CREB5: variants seen among roughly 807,000 people sequenced by gnomAD.
CREB5 encodes the protein cAMP responsive element binding protein 5.
Under a neutral mutation model 57.1 loss-of-function variants are expected in CREB5, and 19 were observed. That is an observed-to-expected ratio of 0.33 (90% confidence interval 0.23 to 0.49). CREB5 has a LOEUF of 0.49. Ranked by LOEUF, CREB5 falls within the 20% of genes least tolerant of loss-of-function variation. CREB5 has a pLI of 0.99. For synonymous variants in CREB5, 238 were observed against 238.3 expected (o/e 1.00, Z 0.01); for missense variants, 579 against 671.6 (o/e 0.86, Z 1.52).
intron 1 of CREB5, among the ~76,000 whole-genome samples, chr7:28,463,907 C>T (rs1036732041): frequency 6.6e-6 from 1 of 151,996 alleles, no homozygotes; most frequent in South Asian, 2.1e-4. Context: ...ATCTGGATAC[C>T]TTTTATTTCA....
chr7:28,697,107 ATACT>A (rs925916205), intron 5 of CREB5, among the ~76,000 whole-genome samples: 4 of 152,174 alleles, frequency 2.6e-5, no homozygotes, highest in African/African-American at 9.7e-5. Flanking sequence ...TTATGGAATA[ATACT>A]TAATTTTTAC....
At chr7:28,558,681 G>C (rs765554063) in intron 4 of CREB5, among the ~76,000 whole-genome samples, 1 of 152,144 alleles carries the variant, frequency 6.6e-6, no homozygotes, top group Non-Finnish European at 1.5e-5. Context: ...AGCTGAGAAA[G>C]GGGGGCTTGG....
At chr7:28,646,360 C>CA (rs1464861413) in intron 5 of CREB5, among the ~76,000 whole-genome samples, 1 of 151,912 alleles carries the variant, frequency 6.6e-6, no homozygotes, top group South Asian at 2.1e-4. Flanking sequence ...GGAAAAAAAA[C>CA]AAAAAACAAT....
rs551799037 is a variant in CREB5 at position 28,613,209 on chromosome 7, C to A, written c.464+42672C>A. ...ACTTTTGCTTGTTTTGGCCAAACAA[C>A]TAAAAATATATTTTTCCCCTTGAAA... On this transcript the variant is annotated intron_variant, in intron 5 of 10. Transcript: ENST00000357727. 4.6e-5 allele frequency among the ~76,000 whole-genome samples: 7 copies of A among 152,302 alleles called. No homozygotes were observed. The South Asian group carries it at 1.5e-3, about 32-fold the overall frequency.
chr7:28,401,972 C>T (rs1291796732), intron 1 of CREB5, among the ~76,000 whole-genome samples: 16 of 152,134 alleles, frequency 1.1e-4, no homozygotes, highest in African/African-American at 3.6e-4. Flanking sequence ...TTCTAGATCC[C>T]TGAGGAATCA....
intron 2 of CREB5, among the ~76,000 whole-genome samples, chr7:28,490,263 G>T (rs529598414): frequency 6.6e-6 from 1 of 152,210 alleles, no homozygotes; most frequent in Non-Finnish European, 1.5e-5. Flanking sequence ...CAGTTAATTA[G>T]TCAATTGCAA....
rs1798349811 is a variant in CREB5 at position 28,634,860 on chromosome 7, T to G, written c.464+64323T>G. 2.0e-5 allele frequency among the ~76,000 whole-genome samples: 3 copies of G among 152,230 alleles called. No individual in the cohort carries two copies. The South Asian group carries it at 6.2e-4, about 31-fold the overall frequency. On this transcript the variant is annotated intron_variant, in intron 5 of 10. Coordinates refer to ENST00000357727, the MANE Select transcript of CREB5 (RefSeq NM_182898.4). ...TTTTATGTTTTATACAGATTACTAT[T>G]GTCTTTTCAAGGAGACAGAAACAGC...
intron 1 of CREB5, among the ~76,000 whole-genome samples, chr7:28,485,434 G>A (rs1263499209): frequency 6.6e-6 from 1 of 151,896 alleles, no homozygotes; most frequent in Non-Finnish European, 1.5e-5. Context: ...AAATAAAATA[G>A]TACTTTATAT....
chr7:28,662,156 A>G (rs1799634727), intron 5 of CREB5, among the ~76,000 whole-genome samples: 2 of 152,188 alleles, frequency 1.3e-5, no homozygotes, highest in African/African-American at 2.4e-5. Flanking sequence ...ACAAAAAAGG[A>G]GCAGAAGAAA....
At chr7:28,392,100 C>A (rs1001129526) in intron 1 of CREB5, among the ~76,000 whole-genome samples, 1 of 152,046 alleles carries the variant, frequency 6.6e-6, no homozygotes, top group South Asian at 2.1e-4. Context: ...AAGAGGGGAA[C>A]AACACACGCT....
chr7:28,511,712 CT>C lies in CREB5; in HGVS notation c.291+3976del, dbSNP rs549802063. ...TGTTGCCCAGGCCGGTCTCAAACTC[CT>C]GGACTCAAGTGATCTGCCCGCCTCA... On this transcript the variant is annotated intron_variant, in intron 4 of 10. Transcript: ENST00000357727. 1.8e-3 allele frequency among the ~76,000 whole-genome samples: 280 copies of C among 152,292 alleles called. 2 individuals carry two copies. Among genetic ancestry groups the C allele is most frequent in the African/African-American group, 6.2e-3 (259 of 41,570 alleles).
rs1364997714 is a variant in CREB5 at position 28,821,199 on chromosome 7, G to A, written c.*1920G>A. ...AGAACAGTATTTTACAAAAGGTGTA[G>A]CTTTTATAAGAGTGCAGAAAAGGGA... is the stretch of plus-strand genomic sequence containing the variant. On this transcript the variant is annotated 3_prime_UTR_variant, in exon 11 of 11. Coordinates refer to ENST00000357727, the MANE Select transcript of CREB5 (RefSeq NM_182898.4). 1 of 151,092 alleles carries A rather than the reference G, an allele frequency of 6.6e-6. No individual in the cohort carries two copies. The highest frequency in any genetic ancestry group is 1.5e-5 in the Non-Finnish European group (1 of 67,820). 9.4% of individuals were successfully genotyped at this position (151,092 alleles called of 1,614,324 possible). A position where few individuals can be genotyped will look rare whatever the true frequency, so the allele number is the denominator to read the frequency against.
At chr7:28,792,892 G>T (rs955706120) in intron 7 of CREB5, among the ~76,000 whole-genome samples, 4 of 152,152 alleles carry the variant, frequency 2.6e-5, no homozygotes, top group African/African-American at 9.7e-5. Context: ...TGCTGTTTGG[G>T]TGGTCAGGTG....
intron 1 of CREB5, among the ~76,000 whole-genome samples, chr7:28,450,210 GATA>G (rs1282877003): frequency 1.3e-5 from 2 of 152,162 alleles, no homozygotes; most frequent in Non-Finnish European, 2.9e-5. Flanking sequence ...TGTTGTGACT[GATA>G]ATAATGATTC....
chr7:28,818,034 G>C (rs956537303), intron 9 of CREB5, 37 bp from the exon 10 acceptor site: 1 of 1,542,986 alleles, frequency 6.5e-7, no homozygotes. Flanking sequence ...GTATCCTCTG[G>C]TCTTCTCAAC....
intron 1 of CREB5, among the ~76,000 whole-genome samples, chr7:28,480,033 C>G (rs217512): frequency 0.31 from 46,104 of 149,124 alleles, 7,922 homozygotes; most frequent in Middle Eastern, 0.39. Flanking sequence ...CCTCCCCCCC[C>G]CCACATTATC....
intron 1 of CREB5, among the ~76,000 whole-genome samples, chr7:28,414,287 CTT>C (rs11347506): frequency 6.5e-4 from 96 of 148,712 alleles, no homozygotes; most frequent in African/African-American, 1.6e-3. Context: ...AATTTAAGGT[CTT>C]TTTTTTTTTT....
intron 7 of CREB5, among the ~76,000 whole-genome samples, chr7:28,802,320 T>A (rs1399590568): frequency 6.6e-6 from 1 of 152,184 alleles, no homozygotes; most frequent in Admixed American, 6.5e-5. Context: ...TCTTGTTTTT[T>A]ATTTATTTTT....
At chr7:28,570,558 G>A (rs753073429) in intron 5 of CREB5, 21 bp downstream of exon 5, 1 of 1,608,676 alleles carries the variant, frequency 6.2e-7, no homozygotes, top group South Asian at 1.1e-5. Flanking sequence ...CTCCTTGGCT[G>A]CCCCTGGGTC....
Sources: allele counts gnomAD v4.1 joint callset (sites outside exome capture counted in the v4.1 genomes callset), GRCh38; gene constraint gnomAD v4.1.1; transcripts MANE v1.5; gene names NCBI Gene and HGNC (gene_info 2026-07-23, HGNC 2026-07-21).